The following RXRG variants were observed in gnomAD, a reference collection of about 807,000 sequenced individuals.
RXRG encodes retinoic acid receptor RXR-gamma.
Under a neutral mutation model 49.2 loss-of-function variants are expected in RXRG, and 19 were observed. The ratio of observed to expected loss-of-function variants is 0.39; its 90% CI spans 0.27 to 0.57. The LOEUF (loss-of-function observed/expected upper bound fraction) is 0.57. Ranked by LOEUF, RXRG falls within the 20% of genes least tolerant of loss-of-function variation. The pLI is 0.64. For missense variants in RXRG, 452 were observed against 592.5 expected, an observed-to-expected ratio of 0.76 and a Z score of 2.46; for synonymous variants, 224 against 216.6, an observed-to-expected ratio of 1.03 and a Z score of -0.30.
At chr1:165,429,149 C>T (rs1333821402) in intron 1 of RXRG, among the ~76,000 whole-genome samples, 183 bp from the exon 2 acceptor site, 1 of 152,146 alleles carries the variant, frequency 6.6e-6, no homozygotes, top group African/African-American at 2.4e-5. Context: ...AAGCGAGGGA[C>T]ACAGAGGGGA....
rs113811743 is a variant in RXRG, at chr1:165,414,940, T to C, written c.622+2101A>G. Among the ~76,000 whole-genome samples the C allele has an allele frequency of 4.6e-5, 7 of 152,290 alleles. 1 individual carries two copies. The highest frequency in any genetic ancestry group is 1.7e-4 in the African/African-American group (7 of 41,562). Reference sequence around the variant, plus strand: ...TCAGTTTAAACTATTCATTCAACAATTTATTAAATGGCTACAATGTATTAG... The same window carrying C: ...TCAGTTTAAACTATTCATTCAACAACTTATTAAATGGCTACAATGTATTAG... On this transcript the variant is annotated intron_variant, in intron 4 of 9. Coordinates refer to ENST00000359842, the MANE Select transcript of RXRG (RefSeq NM_006917.5).
At chr1:165,439,867 C>T in intron 1 of RXRG, among the ~76,000 whole-genome samples, 1 of 152,224 alleles carries the variant, frequency 6.6e-6, no homozygotes, top group Admixed American at 6.5e-5. Context: ...GGAAAGTCCC[C>T]TTGAATATGC....
At chr1:165,415,331 A>G (rs1442315495) in intron 4 of RXRG, among the ~76,000 whole-genome samples, 1 of 152,230 alleles carries the variant, frequency 6.6e-6, no homozygotes, top group Non-Finnish European at 1.5e-5. Context: ...CATCCAGACT[A>G]TGTACAACCT....
chr1:165,431,537 C>G (rs1217793953), intron 1 of RXRG, among the ~76,000 whole-genome samples: 1 of 152,178 alleles, frequency 6.6e-6, no homozygotes, highest in Non-Finnish European at 1.5e-5. Context: ...CTGTCCTTCC[C>G]CCATGACCAA....
At chr1:165,420,612 C>T (rs915964827) in intron 2 of RXRG, among the ~76,000 whole-genome samples, 5 of 152,298 alleles carry the variant, frequency 3.3e-5, no homozygotes, top group Admixed American at 1.3e-4. Flanking sequence ...GTCATCTCTG[C>T]AAGCACACTG....
At chr1:165,434,960 T>C (rs1658780575) in intron 1 of RXRG, among the ~76,000 whole-genome samples, 1 of 152,192 alleles carries the variant, frequency 6.6e-6, no homozygotes, top group South Asian at 2.1e-4. Flanking sequence ...ACAATAATAA[T>C]AACTAATATT....
At chr1:165,403,783 G>A (rs1279159099) in intron 9 of RXRG, among the ~76,000 whole-genome samples, 1 of 152,198 alleles carries the variant, frequency 6.6e-6, no homozygotes, top group East Asian at 1.9e-4. Flanking sequence ...AAAAGGCCAC[G>A]ATTTTACAAT....
chr1:165,424,655 A>G (rs1658424724), intron 2 of RXRG: 1 of 415,304 alleles, frequency 2.4e-6, no homozygotes, highest in Non-Finnish European at 3.2e-6. Context: ...GAGAAGCTCA[A>G]ACAATGAAAT....
chr1:165,407,956 C>A (rs1226447535), intron 8 of RXRG, among the ~76,000 whole-genome samples: 1 of 152,146 alleles, frequency 6.6e-6, no homozygotes. Flanking sequence ...AGAAATATAT[C>A]CAGAATGTGA....
intron 1 of RXRG, among the ~76,000 whole-genome samples, chr1:165,434,280 A>G (rs457928): frequency 0.47 from 61,011 of 130,924 alleles, 12,699 homozygotes; most frequent in Middle Eastern, 0.62. Context: ...GCATGTGTGT[A>G]TGTGTGTGTG....
At chr1:165,401,434 A>G in intron 9 of RXRG, 24 bp from the exon 10 acceptor site, 1 of 1,612,694 alleles carries the variant, frequency 6.2e-7, no homozygotes, top group African/African-American at 1.3e-5. Context: ...AAGAGGCATC[A>G]GGGACAGGGA....
intron 2 of RXRG, among the ~76,000 whole-genome samples, chr1:165,423,757 C>T (rs1370114132): frequency 6.6e-6 from 1 of 152,116 alleles, no homozygotes; most frequent in Non-Finnish European, 1.5e-5. Context: ...CTGGCTCAAC[C>T]AGATCTGCTT....
chr1:165,442,189 G>A (rs759809327), intron 1 of RXRG, among the ~76,000 whole-genome samples: 2 of 152,172 alleles, frequency 1.3e-5, no homozygotes, highest in African/African-American at 4.8e-5. Flanking sequence ...CAAAGGTGAC[G>A]TCCACTCTAA....
chr1:165,420,033 C>T lies in RXRG; in HGVS notation c.298-19G>A. 1 of 1,572,654 alleles carries T rather than the reference C, an allele frequency of 6.4e-7. No individual in the cohort carries two copies. On this transcript the variant is annotated intron_variant, in intron 2 of 9. Coordinates refer to ENST00000359842, the MANE Select transcript of RXRG (RefSeq NM_006917.5). ...CATTTAGCTGCAAGAGAAAAAAATA[C>T]TGTAAAGCACAGAGCCAGAGTAAAT...
chr1:165,428,297 C>T (rs1658556526), intron 2 of RXRG, among the ~76,000 whole-genome samples: 1 of 152,220 alleles, frequency 6.6e-6, no homozygotes, highest in Admixed American at 6.5e-5. Context: ...TATTTCTCCT[C>T]TCATTTGTAA....
intron 2 of RXRG, among the ~76,000 whole-genome samples, chr1:165,425,136 G>A (rs1007892762): frequency 6.6e-6 from 1 of 152,110 alleles, no homozygotes; most frequent in African/African-American, 2.4e-5. Context: ...CAGGAATAGC[G>A]GCCCTGCTAC....
At chr1:165,429,063 G>A (rs1028180522) in intron 1 of RXRG, 97 bp from the exon 2 acceptor site, 27 of 1,371,014 alleles carry the variant, frequency 2.0e-5, no homozygotes, top group Admixed American at 4.7e-5. Context: ...CCTGTATCCT[G>A]CCCCTCTTTT....
At chr1:165,427,943 G>A (rs1450601304) in intron 2 of RXRG, among the ~76,000 whole-genome samples, 1 of 152,230 alleles carries the variant, frequency 6.6e-6, no homozygotes, top group Non-Finnish European at 1.5e-5. Flanking sequence ...ATCTGAAGCA[G>A]AGCCATCTGT....
chr1:165,423,824 A>T (rs12755679), intron 2 of RXRG, among the ~76,000 whole-genome samples: 13,373 of 152,198 alleles, frequency 0.088, 999 homozygotes, highest in East Asian at 0.44. Flanking sequence ...AAAAGACTTG[A>T]TGACTTAATT....
Sources: allele counts gnomAD v4.1 joint callset (sites outside exome capture counted in the v4.1 genomes callset), GRCh38; gene constraint gnomAD v4.1.1; transcripts MANE v1.5; gene names NCBI Gene and HGNC (gene_info 2026-07-23, HGNC 2026-07-21).